The following SENP7 variants were observed in gnomAD, a reference collection of about 807,000 sequenced individuals.
SENP7 encodes SUMO specific peptidase 7.
A neutral mutation model predicts 141.2 loss-of-function variants in SENP7; 64 were observed. The observed-to-expected ratio is 0.45, with a 90% CI of 0.37 to 0.56. The LOEUF is 0.56. SENP7 is among the 20% of genes least tolerant of loss of function. SENP7 has a pLI of 0.00. For missense variants in SENP7, 1,025 were observed against 1,212.2 expected, an observed-to-expected ratio of 0.85 and a Z score of 2.29; for synonymous variants, 382 against 426.4, an observed-to-expected ratio of 0.90 and a Z score of 1.28.
intron 3 of SENP7, among the ~76,000 whole-genome samples, chr3:101,485,746 T>C (rs1449837682): frequency 6.6e-6 from 1 of 151,966 alleles, no homozygotes; most frequent in Non-Finnish European, 1.5e-5. Flanking sequence ...CAGCAATGGA[T>C]CCAAACCCAG....
Position 101,448,096 on chromosome 3 carries a change from A to G in SENP7, c.284+10859T>C, listed in dbSNP as rs148464447. On this transcript the variant is annotated intron_variant, in intron 4 of 23. Transcript: ENST00000394095. ...TCATTCCATACCCAAAAATTAACTT[A>G]AAATGGAACAAAGACCTAAATCTAA... 1.1e-4 allele frequency among the ~76,000 whole-genome samples: 17 copies of G among 152,354 alleles called. No individual in the cohort carries two copies. The East Asian group carries it at 3.3e-3, about 29-fold the overall frequency.
chr3:101,460,999 A>G (rs1225002580), intron 3 of SENP7, among the ~76,000 whole-genome samples: 1 of 152,130 alleles, frequency 6.6e-6, no homozygotes, highest in Non-Finnish European at 1.5e-5. Context: ...TAAGATAAAG[A>G]CAAAAATAGT....
In SENP7 at chr3:101,364,995, A is replaced by C; in HGVS notation, c.1319-4T>G. The C allele has an allele frequency of 6.8e-7, 1 of 1,476,626 alleles. No homozygotes were observed. The highest frequency in any genetic ancestry group is 9.0e-7 in the Non-Finnish European group (1 of 1,115,044). 91.5% of individuals were successfully genotyped at this position (1,476,626 alleles called of 1,614,324 possible). A position where few individuals can be genotyped will look rare whatever the true frequency, so the allele number is the denominator to read the frequency against. On this transcript the variant is annotated splice_polypyrimidine_tract_variant and splice_region_variant and intron_variant, in intron 9 of 23. Coordinates refer to ENST00000394095, the MANE Select transcript of SENP7 (RefSeq NM_020654.5). ...TCTTCATCACTGGAAACAACAACTA[A>C]AACGGAAAAGAAAAATGTATTTTTG...
At position 101,489,339 on chromosome 3, in the gene SENP7, C is replaced by T. The variant is rs57970516; in HGVS notation, c.186+4534G>A. Among the ~76,000 whole-genome samples, 484 of 152,220 alleles carry T rather than the reference C, an allele frequency of 3.2e-3. 2 individuals are homozygous for T. Among genetic ancestry groups the T allele is most frequent in the African/African-American group, 0.011 (456 of 41,536 alleles). On this transcript the variant is annotated intron_variant, in intron 3 of 23. Coordinates refer to ENST00000394095, the MANE Select transcript of SENP7 (RefSeq NM_020654.5). ...CTAATCCTGAGTATAAATGGCTAAACGTCCCTCTTAAAAGACATGGAGTGT... is the reference window on the plus strand; with the variant it reads ...CTAATCCTGAGTATAAATGGCTAAATGTCCCTCTTAAAAGACATGGAGTGT...
chr3:101,343,594 A>C, intron 14 of SENP7, 92 bp downstream of exon 14: 1 of 1,352,518 alleles, frequency 7.4e-7, no homozygotes, highest in Non-Finnish European at 1.0e-6. Flanking sequence ...CCCTTTTCAC[A>C]AAATGTAGCA....
intron 11 of SENP7, among the ~76,000 whole-genome samples, chr3:101,355,693 G>T (rs1489529718): frequency 6.6e-6 from 1 of 152,124 alleles, no homozygotes; most frequent in Non-Finnish European, 1.5e-5. Flanking sequence ...TGGCAATCAG[G>T]CCTCTTTTTT....
chr3:101,420,324 C>T (rs1233993475), intron 4 of SENP7, among the ~76,000 whole-genome samples: 1 of 151,784 alleles, frequency 6.6e-6, no homozygotes, highest in Non-Finnish European at 1.5e-5. Context: ...GCCGAGATTG[C>T]GCCACTGCAC....
intron 8 of SENP7, among the ~76,000 whole-genome samples, chr3:101,367,327 T>C (rs2060062587): frequency 1.3e-5 from 2 of 152,106 alleles, no homozygotes; most frequent in South Asian, 2.1e-4. Context: ...TTGCTACTTA[T>C]ATACTAAGTC....
At chr3:101,422,263 C>T (rs1408955826) in intron 4 of SENP7, among the ~76,000 whole-genome samples, 2 of 152,236 alleles carry the variant, frequency 1.3e-5, no homozygotes, top group Non-Finnish European at 2.9e-5. Flanking sequence ...CCACTCTCAA[C>T]CCCATCCGTG....
intron 15 of SENP7, among the ~76,000 whole-genome samples, chr3:101,340,639 A>C (rs2059304619): frequency 6.6e-6 from 1 of 152,212 alleles, no homozygotes; most frequent in Non-Finnish European, 1.5e-5. Context: ...CAGAAAAGCC[A>C]GCAGTCAAAA....
intron 3 of SENP7, among the ~76,000 whole-genome samples, chr3:101,464,831 A>G (rs2063706854): frequency 6.6e-6 from 1 of 152,122 alleles, no homozygotes; most frequent in South Asian, 2.1e-4. Context: ...GCTGGCCTAA[A>G]AAGCAGAAAG....
intron 4 of SENP7, among the ~76,000 whole-genome samples, chr3:101,426,493 T>C (rs2061963011): frequency 1.3e-5 from 2 of 151,892 alleles, no homozygotes; most frequent in South Asian, 4.2e-4. Context: ...ATTTTTTTTT[T>C]TTTTTAGATA....
intron 4 of SENP7, among the ~76,000 whole-genome samples, chr3:101,448,970 A>C (rs1463487515): frequency 6.6e-6 from 1 of 152,062 alleles, no homozygotes; most frequent in Non-Finnish European, 1.5e-5. Flanking sequence ...AGAAGTTAAA[A>C]ACCTTGAAAA....
At position 101,447,949 on chromosome 3, in the gene SENP7, T is replaced by C. The variant is rs1164446414; in HGVS notation, c.284+11006A>G. On this transcript the variant is annotated intron_variant, in intron 4 of 23. Transcript: ENST00000394095. The stretch of plus-strand genomic sequence containing the variant: ...CCCTAACATTTACTATCAATTGATA[T>C]CTCACAAAGATTCCAAGACAATACA... Among the ~76,000 whole-genome samples, 4 of 152,200 alleles carry C rather than the reference T, an allele frequency of 2.6e-5. 1 individual carries two copies. The highest frequency in any genetic ancestry group is 1.3e-4 in the Admixed American group (2 of 15,276).
chr3:101,467,862 G>A (rs868251108), intron 3 of SENP7, among the ~76,000 whole-genome samples: 2 of 152,196 alleles, frequency 1.3e-5, no homozygotes, highest in Non-Finnish European at 2.9e-5. Flanking sequence ...TGACTTTAAC[G>A]AGCTGACAGA....
At chr3:101,345,543 C>T (rs1335811956) in intron 13 of SENP7, among the ~76,000 whole-genome samples, 2 of 152,054 alleles carry the variant, frequency 1.3e-5, no homozygotes, top group African/African-American at 2.4e-5. Context: ...TCAATTTGGT[C>T]GCTGTTGGTG....
chr3:101,482,837 A>C lies in SENP7; in HGVS notation c.186+11036T>G, dbSNP rs185811228. 2.6e-5 allele frequency among the ~76,000 whole-genome samples: 4 copies of C among 152,312 alleles called. No individual in the cohort carries two copies. In the East Asian group the frequency reaches 7.7e-4, roughly 29 times the overall value. On this transcript the variant is annotated intron_variant, in intron 3 of 23. Coordinates refer to ENST00000394095, the MANE Select transcript of SENP7 (RefSeq NM_020654.5). ...TACAGTCAACTGATCTTTGGCCAAG[A>C]GGCAAAAGCAATAGAATGAAAAAAG...
intron 3 of SENP7, among the ~76,000 whole-genome samples, chr3:101,479,920 A>ACC (rs2064389462): frequency 7.5e-6 from 1 of 134,226 alleles, no homozygotes; most frequent in Non-Finnish European, 1.6e-5. Context: ...AAAAAAAAAA[A>ACC]AACACACACA....
intron 4 of SENP7, among the ~76,000 whole-genome samples, chr3:101,449,720 C>G (rs2063045779): frequency 6.6e-6 from 1 of 152,166 alleles, no homozygotes; most frequent in Admixed American, 6.5e-5. Flanking sequence ...CTGATGGAAG[C>G]ACTAAACATG....
Sources: allele counts gnomAD v4.1 joint callset (sites outside exome capture counted in the v4.1 genomes callset), GRCh38; gene constraint gnomAD v4.1.1; transcripts MANE v1.5; gene names NCBI Gene and HGNC (gene_info 2026-07-23, HGNC 2026-07-21).